SLC24A3: variants seen among roughly 807,000 people sequenced by gnomAD.
SLC24A3 encodes sodium/potassium/calcium exchanger 3.
A neutral mutation model predicts 75.8 loss-of-function variants in SLC24A3; 28 were observed. That is an observed-to-expected ratio of 0.37 (90% CI 0.27 to 0.51). The LOEUF is 0.51. Ranked by LOEUF, SLC24A3 falls within the 20% of genes least tolerant of loss-of-function variation. The pLI, the probability that SLC24A3 is intolerant of heterozygous loss-of-function variation, is 0.94. For missense variants in SLC24A3, 663 were observed against 847.8 expected (o/e 0.78, Z 2.71); for synonymous variants, 372 against 334.1 (o/e 1.11, Z -1.24).
At chr20:19,535,219 G>A (rs907282866) in intron 3 of SLC24A3, among the ~76,000 whole-genome samples, 4 of 152,212 alleles carry the variant, frequency 2.6e-5, no homozygotes, top group Non-Finnish European at 5.9e-5. Context: ...CTACATTTTG[G>A]TAGCTTAAAC....
intron 6 of SLC24A3, among the ~76,000 whole-genome samples, chr20:19,637,771 G>T (rs1042614894): frequency 6.6e-6 from 1 of 152,130 alleles, no homozygotes; most frequent in African/African-American, 2.4e-5. Flanking sequence ...GAGGTGGCTG[G>T]AAGATAAGAA....
rs140423950 is a variant in SLC24A3, at chr20:19,404,545, C to A, written c.272-110943C>A. Reference sequence around the variant, plus strand: ...AGTTTTACCCCAGTTTTTTGCCTGGCCTTCCATCAGCCTTTCTCCTTCTGT... The same window carrying A: ...AGTTTTACCCCAGTTTTTTGCCTGGACTTCCATCAGCCTTTCTCCTTCTGT... On this transcript the variant is annotated intron_variant, in intron 2 of 16. Transcript: ENST00000328041. Among the ~76,000 whole-genome samples, 351 of 152,330 alleles carry A rather than the reference C, an allele frequency of 2.3e-3. 3 individuals are homozygous for A. The highest frequency in any genetic ancestry group is 6.6e-3 in the East Asian group (34 of 5,186).
At chr20:19,698,521 G>A in intron 14 of SLC24A3, 47 bp from the exon 15 acceptor site, 2 of 1,464,296 alleles carry the variant, frequency 1.4e-6, no homozygotes, top group Non-Finnish European at 1.9e-6. Flanking sequence ...CCTGTGTGGG[G>A]CCCCTGGGTT....
intron 7 of SLC24A3, among the ~76,000 whole-genome samples, chr20:19,663,687 C>T (rs146049241): frequency 1.3e-5 from 2 of 151,890 alleles, no homozygotes; most frequent in East Asian, 4.0e-4. Flanking sequence ...CTCCCCAAGC[C>T]ACAACCATCC....
chr20:19,526,655 C>G (rs2030203866), intron 3 of SLC24A3, among the ~76,000 whole-genome samples: 1 of 152,204 alleles, frequency 6.6e-6, no homozygotes, highest in Non-Finnish European at 1.5e-5. Context: ...ATCTCCCCCA[C>G]TATCAGAGGG....
chr20:19,393,800 G>A (rs78993492), intron 2 of SLC24A3, among the ~76,000 whole-genome samples: 6,243 of 152,166 alleles, frequency 0.041, 155 homozygotes, highest in Admixed American at 0.054. Flanking sequence ...AATGATCTAC[G>A]TATTTAATAT....
intron 6 of SLC24A3, among the ~76,000 whole-genome samples, chr20:19,586,712 T>C (rs555745413): frequency 1.1e-3 from 167 of 152,178 alleles, no homozygotes; most frequent in Non-Finnish European, 2.1e-3. Context: ...TTGCCTGGTG[T>C]GTCAGTTGCC....
At position 19,230,573 on chromosome 20, in the gene SLC24A3, C is replaced by T. The variant is rs140016254; in HGVS notation, c.142+17589C>T. 4.1e-3 allele frequency among the ~76,000 whole-genome samples: 607 copies of T among 149,786 alleles called. 3 individuals are homozygous for T. The highest frequency in any genetic ancestry group is 0.014 in the African/African-American group (587 of 40,666). On this transcript the variant is annotated intron_variant, in intron 1 of 16. Transcript: ENST00000328041. Reference sequence around the variant, plus strand: ...TTTGCTTCTTTGCCTAGTTGAGTTGCATTTCCGGGAACTGGGGTCTCTGAA... The same window carrying T: ...TTTGCTTCTTTGCCTAGTTGAGTTGTATTTCCGGGAACTGGGGTCTCTGAA...
At chr20:19,599,624 A>C (rs557542872) in intron 6 of SLC24A3, among the ~76,000 whole-genome samples, 6 of 152,324 alleles carry the variant, frequency 3.9e-5, no homozygotes, top group Middle Eastern at 3.4e-3. Flanking sequence ...CCTGTTAGAC[A>C]CTGAGACTCT....
chr20:19,688,271 A>G (rs186065899), intron 12 of SLC24A3, among the ~76,000 whole-genome samples: 10 of 152,304 alleles, frequency 6.6e-5, no homozygotes, highest in African/African-American at 2.4e-4. Flanking sequence ...CACTTGGAGC[A>G]CGGAGAGGCT....
At chr20:19,539,392 A>G (rs2030457282) in intron 3 of SLC24A3, among the ~76,000 whole-genome samples, 1 of 152,092 alleles carries the variant, frequency 6.6e-6, no homozygotes, top group South Asian at 2.1e-4. Flanking sequence ...ACACCTTCCA[A>G]GTTGGCAGAG....
At chr20:19,711,611 C>T (rs1343428473) in intron 15 of SLC24A3, among the ~76,000 whole-genome samples, 2 of 152,228 alleles carry the variant, frequency 1.3e-5, no homozygotes, top group East Asian at 3.8e-4. Context: ...CAAACACACA[C>T]ACCCATGCTC....
At chr20:19,624,453 A>T (rs541830058) in intron 6 of SLC24A3, among the ~76,000 whole-genome samples, 11 of 152,352 alleles carry the variant, frequency 7.2e-5, no homozygotes, top group African/African-American at 2.6e-4. Flanking sequence ...GCACACAAGA[A>T]CGAACATTTA....
At chr20:19,676,042 C>T (rs901832618) in intron 9 of SLC24A3, among the ~76,000 whole-genome samples, 2 of 152,182 alleles carry the variant, frequency 1.3e-5, no homozygotes, top group Admixed American at 6.5e-5. Context: ...CTATGCCCAA[C>T]ATTAATCTTG....
chr20:19,706,092 GTC>G (rs1396524282), intron 15 of SLC24A3, among the ~76,000 whole-genome samples: 1 of 152,160 alleles, frequency 6.6e-6, no homozygotes, highest in Non-Finnish European at 1.5e-5. Context: ...GAGGGAGGGT[GTC>G]TGTCTCTCTC....
At chr20:19,585,663 G>C (rs1600291121) in intron 6 of SLC24A3, 119 bp downstream of exon 6, 1 of 960,204 alleles carries the variant, frequency 1.0e-6, no homozygotes, top group Admixed American at 2.3e-5. Context: ...CAGTGGTTTG[G>C]GCAGCAGTGA....
chr20:19,537,577 C>T (rs1205801865), intron 3 of SLC24A3, among the ~76,000 whole-genome samples: 4 of 152,220 alleles, frequency 2.6e-5, no homozygotes, highest in South Asian at 2.1e-4. Flanking sequence ...CACATGCACA[C>T]GTATGTTTAT....
At chr20:19,346,063 CTATATATATATATATATATATATATATA>C (rs763603062) in intron 2 of SLC24A3, among the ~76,000 whole-genome samples, 15 of 21,258 alleles carry the variant, frequency 7.1e-4, no homozygotes, top group East Asian at 1.2e-3. Flanking sequence ...ATAAAGAAAA[CTATATATATATATATATATATATATATA>C]TATATATATA....
At chr20:19,515,702 C>T (rs2029974676) in intron 3 of SLC24A3, 138 bp downstream of exon 3, 12 of 762,192 alleles carry the variant, frequency 1.6e-5, no homozygotes, top group Non-Finnish European at 2.4e-5. Flanking sequence ...CCTTCGAGCT[C>T]TGTAGGGGGC....
Sources: gnomAD v4.1 joint callset for allele counts (sites outside exome capture counted in the v4.1 genomes callset) on GRCh38, gnomAD v4.1.1 for gene constraint, MANE v1.5 for transcripts, NCBI Gene and HGNC (gene_info 2026-07-23, HGNC 2026-07-21) for gene names.